NELL2: variants seen among roughly 807,000 people sequenced by gnomAD.
The protein encoded by NELL2 is protein kinase C-binding protein NELL2.
Under a neutral mutation model 109.6 loss-of-function variants are expected in NELL2, and 41 were observed. The ratio of observed to expected loss-of-function variants is 0.37; its 90% CI spans 0.29 to 0.49. The LOEUF (loss-of-function observed/expected upper bound fraction) is 0.49, where lower values mean the gene tolerates loss of function less well. Ranked by LOEUF, NELL2 falls within the 20% of genes least tolerant of loss-of-function variation. The probability of loss-of-function intolerance (pLI) is 0.98; values close to 1 mark genes in which losing one functional copy is unlikely to be tolerated. For synonymous variants in NELL2, 355 were observed against 344.7 expected, an observed-to-expected ratio of 1.03 and a Z score of -0.33; for missense variants, 900 against 1,008.3, an observed-to-expected ratio of 0.89 and a Z score of 1.45.
upstream of NELL2, among the ~76,000 whole-genome samples, chr12:44,918,206 A>G (rs1945842787): frequency 6.6e-6 from 1 of 152,170 alleles, no homozygotes; most frequent in African/African-American, 2.4e-5. Flanking sequence ...TGATATTTAC[A>G]TTAAATTTGA....
intron 2 of NELL2, among the ~76,000 whole-genome samples, chr12:44,838,395 A>T (rs1461389447): frequency 6.6e-6 from 1 of 152,202 alleles, no homozygotes; most frequent in African/African-American, 2.4e-5. Flanking sequence ...TACATTTGAA[A>T]TCATCATTTC....
intron 15 of NELL2, among the ~76,000 whole-genome samples, chr12:44,534,890 C>G (rs1275758496): frequency 6.6e-6 from 1 of 151,928 alleles, no homozygotes; most frequent in African/African-American, 2.4e-5. Context: ...TTCTTCCTAC[C>G]TTGACATAGT....
At position 44,690,635 on chromosome 12, in the gene NELL2, A is replaced by G. The variant is rs147775278; in HGVS notation, c.1318+13091T>C. On this transcript the variant is annotated intron_variant, in intron 12 of 19. Transcript: ENST00000429094. ...AATCACAATTCTCATTTCCTCCTGC[A>G]TCTGGAAAATGGGCAGAGATTTTAG... 1.8e-4 allele frequency among the ~76,000 whole-genome samples: 27 copies of G among 152,258 alleles called. No homozygotes were observed. In the East Asian group the frequency reaches 5.2e-3, roughly 29 times the overall value.
chr12:44,805,160 A>G (rs542267408), intron 3 of NELL2, among the ~76,000 whole-genome samples: 15 of 151,862 alleles, frequency 9.9e-5, no homozygotes, highest in Non-Finnish European at 1.9e-4. Context: ...GGATTAGAAG[A>G]CTGAGTAATA....
Position 44,776,119 on chromosome 12 carries a change from A to C in NELL2, c.794T>G (p.Leu265Trp). The stretch of plus-strand genomic sequence containing the variant: ...AGTCCTTTCACAATAGCACTGATCC[A>C]ATCTATTCATTCGCTGTTCAGCTCG... The part of the protein sequence containing the change: ...LSRAEQRMNR[L>W]DQCYCERTCT... Residue 265 changes from leucine (L) to tryptophan (W), a missense_variant, in exon 8 of 20, where the codon TTG becomes TGG. Transcript: ENST00000429094. 1 of 1,614,030 alleles carries C rather than the reference A, an allele frequency of 6.2e-7. No individual in the cohort carries two copies. The highest frequency in any genetic ancestry group is 1.1e-5 in the South Asian group (1 of 91,074).
intron 9 of NELL2, among the ~76,000 whole-genome samples, chr12:44,728,095 A>G (rs1225602997): frequency 6.6e-6 from 1 of 151,930 alleles, no homozygotes; most frequent in Non-Finnish European, 1.5e-5. Context: ...CAGCCTAATA[A>G]AAAAAATAAA....
intron 2 of NELL2, among the ~76,000 whole-genome samples, chr12:44,835,118 G>A (rs1389232341): frequency 6.6e-6 from 1 of 152,108 alleles, no homozygotes; most frequent in East Asian, 1.9e-4. Context: ...TCCAGGGGCA[G>A]GGTGGAAATG....
At chr12:44,797,370 T>C (rs1942660718) in intron 3 of NELL2, among the ~76,000 whole-genome samples, 1 of 152,084 alleles carries the variant, frequency 6.6e-6, no homozygotes, top group African/African-American at 2.4e-5. Flanking sequence ...GGGAATATAG[T>C]CTGCTTTAAT....
At chr12:44,609,970 G>A (rs1189305447) in intron 14 of NELL2, among the ~76,000 whole-genome samples, 1 of 151,880 alleles carries the variant, frequency 6.6e-6, no homozygotes, top group Admixed American at 6.6e-5. Flanking sequence ...GTTATACTAT[G>A]GGAGTTCACA....
rs149676386 is a variant in NELL2 at position 44,551,045 on chromosome 12, A to T, written c.1664-18324T>A. On this transcript the variant is annotated intron_variant, in intron 15 of 19. Transcript: ENST00000429094. Reference sequence around the variant, plus strand: ...ATAAACAAGTACAAAAAGCAATAAAATTGTAATGAGGCAAAAGAAAACGTT... The same window carrying T: ...ATAAACAAGTACAAAAAGCAATAAATTTGTAATGAGGCAAAAGAAAACGTT... 6.1e-3 allele frequency among the ~76,000 whole-genome samples: 931 copies of T among 152,290 alleles called. 8 individuals are homozygous for T. Among genetic ancestry groups the T allele is most frequent in the African/African-American group, 0.021 (874 of 41,568 alleles).
chr12:44,542,471 G>A (rs1016686675), intron 15 of NELL2, among the ~76,000 whole-genome samples: 1 of 151,902 alleles, frequency 6.6e-6, no homozygotes, highest in Admixed American at 6.6e-5. Flanking sequence ...ATCTGTAGTG[G>A]GCAGAAGAAT....
chr12:44,605,128 T>C (rs1348274896), intron 15 of NELL2, among the ~76,000 whole-genome samples: 3 of 152,086 alleles, frequency 2.0e-5, no homozygotes, highest in Non-Finnish European at 2.9e-5. Flanking sequence ...TTGAGGTCTT[T>C]GGATTTAAGG....
In NELL2 at chr12:44,714,710, A is replaced by C. The variant is rs1013981178; in HGVS notation, c.1026T>G (p.Phe342Leu). The C allele has an allele frequency of 3.7e-6, 6 of 1,603,272 alleles. No individual in the cohort carries two copies. In the Admixed American group the frequency reaches 7.0e-5, roughly 19 times the overall value. ...AATAGACTGTATTTCTTTCTCCTTC[A>C]AAGTAGGTTCGTCCTTGAAATTGGC... ...SICQFQGRTY[F>L]EGERNTVYSS... Residue 342 changes from phenylalanine to leucine, a missense_variant, in exon 10 of 20, where the codon TTT becomes TTG. Phe to Leu is a conservative substitution (Grantham distance 22, BLOSUM62 0). Transcript: ENST00000429094.
At position 44,578,711 on chromosome 12, in the gene NELL2, A is replaced by G. The variant is rs1944206448; in HGVS notation, c.1663+28458T>C. The stretch of plus-strand genomic sequence containing the variant: ...CTGGGCAAGAGATCCACCCAGCAAC[A>G]AAGTCAAAAAGAAAAATTTGGAGAG... On this transcript the variant is annotated intron_variant, in intron 15 of 19. Coordinates refer to ENST00000429094, the MANE Select transcript of NELL2 (RefSeq NM_001145108.2). 2.6e-5 allele frequency among the ~76,000 whole-genome samples: 4 copies of G among 152,280 alleles called. No homozygotes were observed. The South Asian group carries it at 8.3e-4, about 32-fold the overall frequency.
intron 14 of NELL2, 98 bp downstream of exon 14, chr12:44,610,750 C>G: frequency 6.6e-7 from 1 of 1,516,866 alleles, no homozygotes; most frequent in Non-Finnish European, 9.1e-7. Flanking sequence ...GTAGGAAGTA[C>G]CTGGAATGTA....
chr12:44,601,844 GA>G (rs1337175258), intron 15 of NELL2, among the ~76,000 whole-genome samples: 1 of 152,088 alleles, frequency 6.6e-6, no homozygotes, highest in Non-Finnish European at 1.5e-5. Context: ...GAAATAACAT[GA>G]AAAGGGTCAC....
intron 1 of NELL2, among the ~76,000 whole-genome samples, chr12:44,889,559 T>C (rs1945510378): frequency 6.6e-6 from 1 of 152,060 alleles, no homozygotes; most frequent in Admixed American, 6.5e-5. Flanking sequence ...TAAGGTTTTC[T>C]ATTAAAAGAT....
upstream of NELL2, among the ~76,000 whole-genome samples, chr12:44,879,452 A>G (rs1945386497): frequency 6.6e-6 from 1 of 150,772 alleles, no homozygotes; most frequent in East Asian, 1.9e-4. Flanking sequence ...CCATATACAC[A>G]TATCAAAGCT....
intron 1 of NELL2, among the ~76,000 whole-genome samples, chr12:44,909,386 G>A (rs1198586340): frequency 6.6e-6 from 1 of 150,400 alleles, no homozygotes; most frequent in African/African-American, 2.5e-5. Context: ...AGAGGAGAAA[G>A]ATCTCTACAA....
Sources: allele counts gnomAD v4.1 joint callset (sites outside exome capture counted in the v4.1 genomes callset), GRCh38; gene constraint gnomAD v4.1.1; transcripts MANE v1.5; gene names NCBI Gene and HGNC (gene_info 2026-07-23, HGNC 2026-07-21).